Variants in TBXAS1 observed in about 807,000 individuals in gnomAD.
TBXAS1 encodes thromboxane-A synthase.
In TBXAS1, 48 loss-of-function variants were observed where a neutral mutation model predicts 60.7. The ratio of observed to expected loss-of-function variants is 0.79; its 90% CI spans 0.63 to 1.01. The LOEUF (loss-of-function observed/expected upper bound fraction) is 1.01. TBXAS1 is among the 50% of genes least tolerant of loss of function. TBXAS1 has a pLI of 0.00. For missense variants in TBXAS1, 685 were observed against 686.3 expected, an observed-to-expected ratio of 1.00 and a Z score of 0.02; for synonymous variants, 287 against 269.7, an observed-to-expected ratio of 1.06 and a Z score of -0.63.
chr7:139,912,900 T>C (rs1227589086), intron 4 of TBXAS1, among the ~76,000 whole-genome samples: 1 of 152,184 alleles, frequency 6.6e-6, no homozygotes, highest in Non-Finnish European at 1.5e-5. Context: ...CCTGGTAACA[T>C]GGCTTAACAC....
chr7:139,938,114 G>A (rs1472692515), intron 5 of TBXAS1, among the ~76,000 whole-genome samples: 1 of 152,166 alleles, frequency 6.6e-6, no homozygotes, highest in African/African-American at 2.4e-5. Flanking sequence ...CACCCAGAAT[G>A]GGACAATTGC....
rs1382185887 is a variant in TBXAS1, at chr7:140,012,913, A to G, written c.1227-2810A>G. The stretch of plus-strand genomic sequence containing the variant: ...AAGAGTGACAGCACGTTTGTTTAAC[A>G]GGAACTCAAAGCCAGCAGATCAGGA... On this transcript the variant is annotated intron_variant, in intron 10 of 12. Transcript: ENST00000448866. Among the ~76,000 whole-genome samples, 3 of 152,190 alleles carry G rather than the reference A, an allele frequency of 2.0e-5. No individual in the cohort carries two copies. The East Asian group carries it at 5.8e-4, about 29-fold the overall frequency.
chr7:139,895,273 T>A (rs186257573), intron 3 of TBXAS1, among the ~76,000 whole-genome samples: 1 of 152,326 alleles, frequency 6.6e-6, no homozygotes, highest in Admixed American at 6.5e-5. Flanking sequence ...GATTGGCCAG[T>A]CATCATCACA....
intron 1 of TBXAS1, among the ~76,000 whole-genome samples, chr7:139,833,022 A>G (rs924671841): frequency 6.6e-6 from 1 of 152,200 alleles, no homozygotes; most frequent in Non-Finnish European, 1.5e-5. Flanking sequence ...AGCATAAATC[A>G]CACAGGACCC....
intron 3 of TBXAS1, among the ~76,000 whole-genome samples, chr7:139,904,629 T>C (rs925348911): frequency 6.6e-6 from 1 of 152,198 alleles, no homozygotes; most frequent in Non-Finnish European, 1.5e-5. Flanking sequence ...CTTTCAGCAG[T>C]GTTTTGTAGT....
rs1049893951 is a variant in TBXAS1 at position 139,999,847 on chromosome 7, A to G, written c.1135-7244A>G. Among the ~76,000 whole-genome samples, 2 of 152,220 alleles carry G rather than the reference A, an allele frequency of 1.3e-5. No homozygotes were observed. Among genetic ancestry groups the G allele is most frequent in the African/African-American group, 4.8e-5 (2 of 41,454 alleles). On this transcript the variant is annotated intron_variant, in intron 9 of 12. Coordinates refer to ENST00000448866, the MANE Select transcript of TBXAS1 (RefSeq NM_001061.7). The surrounding 1 kb of genome is among the most constrained non-coding windows in gnomAD (Gnocchi z 4.3). ...CTGTTCCTACTGCTCTGAAGAAGAAAACTGAAGCCACCTCTGCTTCTATTT... is the reference window on the plus strand; with the variant it reads ...CTGTTCCTACTGCTCTGAAGAAGAAGACTGAAGCCACCTCTGCTTCTATTT...
chr7:139,915,734 A>G (rs905151161), intron 4 of TBXAS1, among the ~76,000 whole-genome samples: 1 of 152,224 alleles, frequency 6.6e-6, no homozygotes, highest in African/African-American at 2.4e-5. Flanking sequence ...CTGACATACA[A>G]CAACATTGAA....
At chr7:139,938,450 A>C (rs79477889) in intron 5 of TBXAS1, among the ~76,000 whole-genome samples, 5,611 of 152,224 alleles carry the variant, frequency 0.037, 310 homozygotes, top group African/African-American at 0.12. Context: ...CAAGGACATG[A>C]GAGGAAAGGG....
chr7:139,812,585 C>A (rs1230458713), intron 4 of TBXAS1, among the ~76,000 whole-genome samples: 1 of 152,072 alleles, frequency 6.6e-6, no homozygotes. Context: ...TTCTTAGAGA[C>A]CAGTATCAAA....
At chr7:139,796,823 GA>G (rs1333015875) in intron 4 of TBXAS1, among the ~76,000 whole-genome samples, 1 of 152,202 alleles carries the variant, frequency 6.6e-6, no homozygotes, top group Non-Finnish European at 1.5e-5. Flanking sequence ...TCTAAAAAAA[GA>G]AGAGAAGTTT....
At chr7:140,011,737 A>G (rs1339406405) in intron 10 of TBXAS1, among the ~76,000 whole-genome samples, 2 of 152,166 alleles carry the variant, frequency 1.3e-5, no homozygotes, top group African/African-American at 4.8e-5. Flanking sequence ...GGAAGAGGAA[A>G]AAGTTCTGGA....
At chr7:139,826,011 A>G (rs1175883971), upstream of TBXAS1, among the ~76,000 whole-genome samples, 1 of 152,176 alleles carries the variant, frequency 6.6e-6, no homozygotes, top group East Asian at 1.9e-4. Context: ...TCACCTTGGC[A>G]TCCTTTAAGA....
chr7:139,783,920 GAGTT>G (rs1041104102), intron 3 of TBXAS1, among the ~76,000 whole-genome samples: 6 of 151,820 alleles, frequency 4.0e-5, no homozygotes, highest in East Asian at 1.9e-4. Flanking sequence ...AAGCAAACAT[GAGTT>G]AGTTAGACAC....
intron 4 of TBXAS1, among the ~76,000 whole-genome samples, chr7:139,927,942 A>G (rs2117141150): frequency 6.6e-6 from 1 of 152,298 alleles, no homozygotes; most frequent in Non-Finnish European, 1.5e-5. Flanking sequence ...CAATCATGCC[A>G]TCTACAAATA....
intron 4 of TBXAS1, among the ~76,000 whole-genome samples, chr7:139,791,703 G>A (rs540764049): frequency 1.3e-5 from 2 of 151,904 alleles, no homozygotes; most frequent in African/African-American, 2.4e-5. Flanking sequence ...GCAGGCGGCT[G>A]TATAACCCAG....
At chr7:139,981,798 T>C (rs1193006456) in intron 9 of TBXAS1, among the ~76,000 whole-genome samples, 1 of 152,226 alleles carries the variant, frequency 6.6e-6, no homozygotes, top group Non-Finnish European at 1.5e-5. Context: ...TGAAGGTTTG[T>C]GGCTGCAGCA....
intron 9 of TBXAS1, among the ~76,000 whole-genome samples, chr7:139,997,105 A>C (rs1813352204): frequency 6.6e-6 from 1 of 152,222 alleles, no homozygotes; most frequent in African/African-American, 2.4e-5. Context: ...GAATGAACAA[A>C]TAAATGGTTT....
chr7:139,813,168 A>T (rs1157043854), intron 4 of TBXAS1, among the ~76,000 whole-genome samples: 1 of 152,264 alleles, frequency 6.6e-6, no homozygotes, highest in African/African-American at 2.4e-5. Flanking sequence ...TGGGTCACTC[A>T]GTTCATCCTC....
At chr7:139,902,142 G>T (rs1424569299) in intron 3 of TBXAS1, among the ~76,000 whole-genome samples, 5 of 151,724 alleles carry the variant, frequency 3.3e-5, no homozygotes, top group Non-Finnish European at 5.9e-5. Context: ...GTGTGTGTGT[G>T]TGTGTGTGTA....
Sources: allele counts gnomAD v4.1 joint callset (sites outside exome capture counted in the v4.1 genomes callset), GRCh38; gene constraint gnomAD v4.1.1; non-coding constraint Gnocchi (gnomAD v3.1); transcripts MANE v1.5; gene names NCBI Gene and HGNC (gene_info 2026-07-23, HGNC 2026-07-21).